TTC6: variants seen among roughly 807,000 people sequenced by gnomAD.
TTC6 encodes tetratricopeptide repeat domain 6.
A neutral mutation model predicts 210.4 loss-of-function variants in TTC6; 172 were observed. The observed-to-expected ratio is 0.82, with a 90% CI of 0.72 to 0.93. The LOEUF is 0.93. Among genes scored for constraint, TTC6 ranks in the 40% least tolerant of loss-of-function variants. The probability of loss-of-function intolerance (pLI) is 0.00; values close to 1 mark genes in which losing one functional copy is unlikely to be tolerated. For synonymous variants in TTC6, 804 were observed against 819.6 expected (o/e 0.98, Z 0.32); for missense variants, 2,414 against 2,318.1 (o/e 1.04, Z -0.85).
exon 1 of TTC6, chr14:37,622,343 G>T: frequency 6.5e-7 from 1 of 1,531,872 alleles, no homozygotes; most frequent in East Asian, 2.5e-5. Flanking sequence ...TGCAGGAGGT[G>T]CTCGGAGGCG....
At chr14:37,806,266 T>G (rs2096118363) in intron 21 of TTC6, 95 bp from the exon 24 acceptor site, 4 of 1,280,220 alleles carry the variant, frequency 3.1e-6, no homozygotes, top group Admixed American at 5.7e-5. Context: ...AGAGTGAAAC[T>G]TTTCAACAAT....
intron 1 of TTC6, among the ~76,000 whole-genome samples, chr14:37,604,608 C>T (rs569780753): frequency 6.6e-6 from 1 of 152,132 alleles, no homozygotes; most frequent in Non-Finnish European, 1.5e-5. Context: ...CCCCGATCAT[C>T]GCCCTGGCTA....
At position 37,841,814 on chromosome 14, in the gene TTC6, A is replaced by G; in HGVS notation, c.5524+144A>G. ...TTTTTAGATATCATGTCCTTAATAT[A>G]ATCGATATAGGTTCCTTTATGTAAT... On this transcript the variant is annotated intron_variant, in intron 30 of 30. Coordinates refer to ENST00000553443, the Ensembl canonical transcript of TTC6. 3 of 720,696 alleles carry G rather than the reference A, an allele frequency of 4.2e-6. No homozygotes were observed. The South Asian group carries it at 5.5e-5, about 13-fold the overall frequency. 44.6% of individuals were successfully genotyped at this position (720,696 alleles called of 1,614,324 possible).
At chr14:37,842,016 A>T (rs1433191702) in intron 30 of TTC6, 139 bp from the exon 33 acceptor site, 1 of 735,622 alleles carries the variant, frequency 1.4e-6, no homozygotes, top group African/African-American at 1.8e-5. Flanking sequence ...AAGTGTTTTC[A>T]AATTAAAAGT....
At chr14:37,762,291 G>T (rs894660755) in intron 14 of TTC6, among the ~76,000 whole-genome samples, 1 of 152,124 alleles carries the variant, frequency 6.6e-6, no homozygotes, top group African/African-American at 2.4e-5. Flanking sequence ...GAAATGTGGA[G>T]TACAGATGTC....
At chr14:37,642,630 T>G (rs147089806) in intron 1 of TTC6, among the ~76,000 whole-genome samples, 37 of 152,328 alleles carry the variant, frequency 2.4e-4, no homozygotes, top group Non-Finnish European at 5.0e-4. Context: ...CCCTATCTCT[T>G]TTTTTGGAAG....
intron 14 of TTC6, among the ~76,000 whole-genome samples, chr14:37,771,907 G>C (rs1007343383): frequency 6.6e-6 from 1 of 152,146 alleles, no homozygotes; most frequent in Non-Finnish European, 1.5e-5. Context: ...CAGTTTTTCT[G>C]TTCTGTTTTT....
chr14:37,724,318 A>AT (rs1011441550), intron 6 of TTC6, among the ~76,000 whole-genome samples: 6 of 152,034 alleles, frequency 3.9e-5, no homozygotes, highest in African/African-American at 4.8e-5. Flanking sequence ...TAAATAATAC[A>AT]TTTTTTGTGT....
intron 29 of TTC6, among the ~76,000 whole-genome samples, chr14:37,841,073 TG>T: frequency 6.6e-6 from 1 of 152,292 alleles, no homozygotes; most frequent in East Asian, 1.9e-4. Flanking sequence ...TTCCCCATGT[TG>T]GCTAGGCTGG....
chr14:37,621,728 C>G (rs1046119264), upstream of TTC6, among the ~76,000 whole-genome samples: 3 of 152,098 alleles, frequency 2.0e-5, no homozygotes, highest in African/African-American at 7.2e-5. Flanking sequence ...ATTTTCTAAG[C>G]TATGTTTAGT....
At chr14:37,814,477 CAG>C (rs2096137040) in intron 25 of TTC6, among the ~76,000 whole-genome samples, 1 of 151,872 alleles carries the variant, frequency 6.6e-6, no homozygotes, top group African/African-American at 2.4e-5. Context: ...AGCAGAGAAA[CAG>C]AAATGGAGGA....
At chr14:37,675,014 TTGTGTACCTGC>T (rs1290346921) in intron 1 of TTC6, among the ~76,000 whole-genome samples, 1 of 152,098 alleles carries the variant, frequency 6.6e-6, no homozygotes, top group Non-Finnish European at 1.5e-5. Flanking sequence ...ATGACATTTG[TTGTGTACCTGC>T]TATTTTCAAG....
At chr14:37,756,753 A>G (rs1449887135) in intron 14 of TTC6, among the ~76,000 whole-genome samples, 3 of 152,156 alleles carry the variant, frequency 2.0e-5, no homozygotes, top group Non-Finnish European at 4.4e-5. Flanking sequence ...GTTTGCCAGT[A>G]TTTTATTGAG....
Position 37,826,359 on chromosome 14 carries a change from C to G in TTC6, c.5127+12C>G. 6.3e-7 allele frequency: 1 copy of G among 1,582,734 alleles called. No homozygotes were observed. The highest frequency in any genetic ancestry group is 2.3e-5 in the East Asian group (1 of 44,444). Reference sequence around the variant, plus strand: ...ATGCTGCCATGAAGGTAAAAACCATCTTAGATTATATTATTATTAGCATAA... The same window carrying G: ...ATGCTGCCATGAAGGTAAAAACCATGTTAGATTATATTATTATTAGCATAA... On this transcript the variant is annotated intron_variant, in intron 28 of 30. Coordinates refer to ENST00000553443, the Ensembl canonical transcript of TTC6.
chr14:37,833,415 G>C (rs1167277434), intron 29 of TTC6, among the ~76,000 whole-genome samples: 2 of 152,010 alleles, frequency 1.3e-5, no homozygotes, highest in Admixed American at 6.6e-5. Flanking sequence ...TGTTTTGTTT[G>C]ATATAACTCC....
rs55775703 is a variant in TTC6 at position 37,651,425 on chromosome 14, ATTTTTTTTTTTTTTTT to A, written c.939+28435_939+28450del. Among the ~76,000 whole-genome samples the A allele has an allele frequency of 7.5e-4, 18 of 23,908 alleles. No individual in the cohort carries two copies. The East Asian group carries it at 7.7e-3, about 10-fold the overall frequency. 15.7% of individuals were successfully genotyped at this position (23,908 alleles called of 152,430 possible). ...TATATATATATATATATATATATAT[ATTTTTTTTTTTTTTTT>A]TTTTTTTTTTTTCCATCCATGATTC... On this transcript the variant is annotated intron_variant, in intron 1 of 30. Transcript: ENST00000553443.
intron 20 of TTC6, among the ~76,000 whole-genome samples, chr14:37,797,563 G>T (rs563079382): frequency 1.3e-5 from 2 of 150,636 alleles, no homozygotes; most frequent in African/African-American, 4.9e-5. Context: ...TGTGTGCTGA[G>T]TATCTTCTTA....
At chr14:37,771,791 T>A (rs968677156) in intron 14 of TTC6, among the ~76,000 whole-genome samples, 1 of 152,220 alleles carries the variant, frequency 6.6e-6, no homozygotes, top group Non-Finnish European at 1.5e-5. Context: ...TCTGAAGCCT[T>A]CTTCTCTCAG....
intron 29 of TTC6, among the ~76,000 whole-genome samples, chr14:37,828,093 G>T (rs146482539): frequency 5.1e-4 from 77 of 152,092 alleles, no homozygotes; most frequent in South Asian, 8.3e-4. Flanking sequence ...CCACTGGACT[G>T]GGAATAAGAA....
Sources: allele counts gnomAD v4.1 joint callset (sites outside exome capture counted in the v4.1 genomes callset), GRCh38; gene constraint gnomAD v4.1.1; transcripts MANE v1.5; gene names NCBI Gene and HGNC (gene_info 2026-07-23, HGNC 2026-07-21).